The following NRCAM variants were observed in gnomAD, a reference collection of about 807,000 sequenced individuals.
NRCAM encodes the protein NgCAM-related cell adhesion molecule.
A neutral mutation model predicts 156.5 loss-of-function variants in NRCAM; 83 were observed. The ratio of observed to expected loss-of-function variants is 0.53; its 90% CI spans 0.44 to 0.64. The LOEUF (loss-of-function observed/expected upper bound fraction) is 0.64, where lower values mean the gene tolerates loss of function less well. NRCAM is among the 30% of genes least tolerant of loss of function. NRCAM has a pLI of 0.00. For missense variants in NRCAM, 1,417 were observed against 1,597.3 expected (o/e 0.89, Z 1.92); for synonymous variants, 538 against 563.9 (o/e 0.95, Z 0.65).
intron 2 of NRCAM, among the ~76,000 whole-genome samples, chr7:108,386,872 A>T (rs965212733): frequency 1.3e-5 from 2 of 152,142 alleles, no homozygotes; most frequent in African/African-American, 4.8e-5. Flanking sequence ...GAGTTCTTAA[A>T]TACTCTAGGA....
chr7:108,385,810 G>A (rs2099738797), intron 2 of NRCAM, among the ~76,000 whole-genome samples: 1 of 150,406 alleles, frequency 6.6e-6, no homozygotes, highest in Admixed American at 6.7e-5. Context: ...GAAGGCATGA[G>A]AATAAGTAAG....
At chr7:108,367,634 C>G (rs1418001813) in intron 2 of NRCAM, among the ~76,000 whole-genome samples, 2 of 152,074 alleles carry the variant, frequency 1.3e-5, no homozygotes, top group East Asian at 3.9e-4. Context: ...TTTTGCAAAA[C>G]ATTCTTATCT....
intron 2 of NRCAM, among the ~76,000 whole-genome samples, chr7:108,378,873 G>GA (rs377154779): frequency 2.0e-3 from 295 of 147,976 alleles, no homozygotes; most frequent in Middle Eastern, 3.4e-3. Flanking sequence ...ACAAAGGAGA[G>GA]AAAAAAAAAA....
chr7:108,211,401 G>A (rs1259895263), intron 11 of NRCAM, among the ~76,000 whole-genome samples: 2 of 152,202 alleles, frequency 1.3e-5, no homozygotes, highest in Non-Finnish European at 2.9e-5. Flanking sequence ...ACTCGGGAAA[G>A]GGCATGAATC....
chr7:108,319,950 G>A (rs2098980939), intron 2 of NRCAM, among the ~76,000 whole-genome samples: 1 of 152,188 alleles, frequency 6.6e-6, no homozygotes, highest in African/African-American at 2.4e-5. Flanking sequence ...GAGGGTGGAA[G>A]AGGAATGATT....
intron 2 of NRCAM, among the ~76,000 whole-genome samples, chr7:108,329,459 C>A (rs2099104805): frequency 6.6e-6 from 1 of 152,156 alleles, no homozygotes; most frequent in Non-Finnish European, 1.5e-5. Flanking sequence ...CTTTCAGGTT[C>A]TCTGGAAAAA....
rs1402728695 is a variant in NRCAM, at chr7:108,212,379, G to A, written c.891-2774C>T. The stretch of plus-strand genomic sequence containing the variant: ...GAATCACACTAGCTCACCAGCAATG[G>A]ATCCAAACCAAGAAGAAATCCCTGA... On this transcript the variant is annotated intron_variant, in intron 11 of 32. Transcript: ENST00000379028. Among the ~76,000 whole-genome samples the A allele has an allele frequency of 4.6e-5, 7 of 152,048 alleles. No homozygotes were observed. The East Asian group carries it at 1.3e-3, about 29-fold the overall frequency.
chr7:108,423,677 G>T (rs1813262083), intron 1 of NRCAM, among the ~76,000 whole-genome samples: 1 of 152,106 alleles, frequency 6.6e-6, no homozygotes, highest in Non-Finnish European at 1.5e-5. Context: ...CTTCATTTTT[G>T]GTGGCAATCA....
chr7:108,429,147 T>A (rs778888679), intron 1 of NRCAM, among the ~76,000 whole-genome samples: 1 of 152,178 alleles, frequency 6.6e-6, no homozygotes, highest in Non-Finnish European at 1.5e-5. Context: ...CAACAGTCAA[T>A]GTGAAGGAAT....
chr7:108,363,422 C>A (rs565903087), intron 2 of NRCAM, among the ~76,000 whole-genome samples: 6 of 152,108 alleles, frequency 3.9e-5, no homozygotes, highest in African/African-American at 1.4e-4. Context: ...GTAGCTGGGA[C>A]GACAGGCGTG....
intron 2 of NRCAM, among the ~76,000 whole-genome samples, chr7:108,392,528 T>C (rs1256550984): frequency 6.6e-6 from 1 of 152,228 alleles, no homozygotes; most frequent in Non-Finnish European, 1.5e-5. Context: ...CATCCTCCTT[T>C]AGCTCAGAGA....
At chr7:108,189,852 C>G in intron 19 of NRCAM, 106 bp from the exon 20 acceptor site, 1 of 594,928 alleles carries the variant, frequency 1.7e-6, no homozygotes, top group Non-Finnish European at 3.0e-6. Flanking sequence ...ACACAGCACA[C>G]TTGATAGTCA....
intron 13 of NRCAM, among the ~76,000 whole-genome samples, chr7:108,199,191 T>G (rs1587871352): frequency 6.6e-6 from 1 of 152,318 alleles, no homozygotes; most frequent in Admixed American, 6.5e-5. Flanking sequence ...GAAAAGGATG[T>G]GCATCTAAGA....
chr7:108,309,430 A>C (rs558086697), intron 3 of NRCAM, among the ~76,000 whole-genome samples: 1 of 152,160 alleles, frequency 6.6e-6, no homozygotes, highest in African/African-American at 2.4e-5. Flanking sequence ...ATGAGCTTTT[A>C]ATCTTCAGCT....
chr7:108,248,086 CTATT>C (rs1335499007), intron 3 of NRCAM, among the ~76,000 whole-genome samples: 13 of 152,172 alleles, frequency 8.5e-5, no homozygotes, highest in African/African-American at 2.9e-4. Flanking sequence ...AGCTCTAGCT[CTATT>C]TATCTTCCTG....
chr7:108,196,418 A>G (rs772749383), intron 14 of NRCAM, among the ~76,000 whole-genome samples: 5 of 152,248 alleles, frequency 3.3e-5, no homozygotes, highest in African/African-American at 4.8e-5. Context: ...GGGAGAAAAC[A>G]TTTGCAAACC....
chr7:108,168,483 T>C (rs2056341914), intron 28 of NRCAM, 81 bp from the exon 29 acceptor site: 1 of 1,210,766 alleles, frequency 8.3e-7, no homozygotes. Flanking sequence ...TTAAATACTC[T>C]GAAATTGTGC....
chr7:108,234,899 CTA>C (rs1219748839), intron 5 of NRCAM: 6 of 711,144 alleles, frequency 8.4e-6, no homozygotes, highest in Non-Finnish European at 1.0e-5. Context: ...CTTTCGGTAA[CTA>C]TGTGTACTTG....
At chr7:108,172,307 C>T (rs1349132293) in intron 28 of NRCAM, among the ~76,000 whole-genome samples, 1 of 151,910 alleles carries the variant, frequency 6.6e-6, no homozygotes, top group Non-Finnish European at 1.5e-5. Context: ...GAAATGGAGT[C>T]TCGTTCTGTC....
Sources: gnomAD v4.1 joint callset for allele counts (sites outside exome capture counted in the v4.1 genomes callset) on GRCh38, gnomAD v4.1.1 for gene constraint, MANE v1.5 for transcripts, NCBI Gene and HGNC (gene_info 2026-07-23, HGNC 2026-07-21) for gene names.